Variants in PCBP3 observed in about 807,000 individuals in gnomAD.
PCBP3 encodes the protein poly(rC)-binding protein 3.
Under a neutral mutation model 52.7 loss-of-function variants are expected in PCBP3, and 25 were observed. That is an observed-to-expected ratio of 0.47 (90% confidence interval 0.35 to 0.66). The LOEUF (loss-of-function observed/expected upper bound fraction) is 0.66. Among genes scored for constraint, PCBP3 ranks in the 30% least tolerant of loss-of-function variants. The pLI, the probability that PCBP3 is intolerant of heterozygous loss-of-function variation, is 0.01. For synonymous variants in PCBP3, 162 were observed against 183.0 expected (o/e 0.89, Z 0.93); for missense variants, 391 against 490.3 (o/e 0.80, Z 1.91).
rs2092332554 is a variant in PCBP3, at chr21:45,802,211, T to G, written c.-126+46759T>G. ...AGCGGCTCTGCAGCTGGGCGCTGTT[T>G]CTGCCCTGTCATGCAAGTGGGCTGG... On this transcript the variant is annotated intron_variant, in intron 4 of 17. Coordinates refer to ENST00000681687, the MANE Select transcript of PCBP3 (RefSeq NM_001384156.1). This position sits in a 1 kb window ranked among gnomAD's most constrained non-coding sequence, Gnocchi z 5.1. 6.6e-6 allele frequency among the ~76,000 whole-genome samples: 1 copy of G among 152,210 alleles called. No individual in the cohort carries two copies.
intron 4 of PCBP3, among the ~76,000 whole-genome samples, chr21:45,834,034 G>A (rs1360562254): frequency 6.6e-6 from 1 of 152,204 alleles, no homozygotes; most frequent in East Asian, 1.9e-4. Flanking sequence ...CAAGCACAGG[G>A]AAGGCTGGGG....
intron 5 of PCBP3, among the ~76,000 whole-genome samples, chr21:45,878,876 T>G (rs1329403431): frequency 1.3e-5 from 2 of 152,228 alleles, no homozygotes; most frequent in Middle Eastern, 3.4e-3. Context: ...TGGTGGAGGA[T>G]CCACAAGATC....
intron 9 of PCBP3, among the ~76,000 whole-genome samples, chr21:45,907,898 G>A (rs932118315): frequency 1.5e-5 from 2 of 133,632 alleles, no homozygotes; most frequent in African/African-American, 7.3e-5. Flanking sequence ...GAAAAGGAGG[G>A]AGAGCTTACG....
At chr21:45,939,114 C>G (rs1055722024) in intron 16 of PCBP3, among the ~76,000 whole-genome samples, 1 of 152,256 alleles carries the variant, frequency 6.6e-6, no homozygotes, top group Non-Finnish European at 1.5e-5. Flanking sequence ...CTCGGGGACC[C>G]ATGTGCCCAG....
intron 2 of PCBP3, among the ~76,000 whole-genome samples, chr21:45,707,474 C>T (rs1344190973): frequency 6.6e-6 from 1 of 152,060 alleles, no homozygotes; most frequent in African/African-American, 2.4e-5. Context: ...TGAGATCATG[C>T]CATTGCACTC....
rs2091316374 is a variant in PCBP3 at position 45,788,549 on chromosome 21, C to G, written c.-126+33097C>G. ...CAGCCCACGCCCTGCCCTCTTTTTTCCCACCCCACGGGGCCGATCCTGACT... is the reference window on the plus strand; with the variant it reads ...CAGCCCACGCCCTGCCCTCTTTTTTGCCACCCCACGGGGCCGATCCTGACT... On this transcript the variant is annotated intron_variant, in intron 4 of 17. Transcript: ENST00000681687. This position sits in a 1 kb window ranked among gnomAD's most constrained non-coding sequence, Gnocchi z 4.3. 1 of 152,496 alleles carries G rather than the reference C, an allele frequency of 6.6e-6. No homozygotes were observed. Among genetic ancestry groups the G allele is most frequent in the Admixed American group, 6.5e-5 (1 of 15,292 alleles). 9.4% of individuals were successfully genotyped at this position (152,496 alleles called of 1,614,324 possible).
intron 2 of PCBP3, among the ~76,000 whole-genome samples, chr21:45,720,251 G>T (rs1165236783): frequency 6.6e-6 from 1 of 151,544 alleles, no homozygotes; most frequent in Non-Finnish European, 1.5e-5. Context: ...CCCAGTGTGT[G>T]ATGTTCCCCT....
At chr21:45,847,239 G>A (rs2075967250) in intron 4 of PCBP3, among the ~76,000 whole-genome samples, 1 of 151,924 alleles carries the variant, frequency 6.6e-6, no homozygotes, top group South Asian at 2.1e-4. Context: ...TGTCTGGTGG[G>A]ATTCTTTTCT....
At chr21:45,900,229 G>A (rs1252611278) in intron 7 of PCBP3, among the ~76,000 whole-genome samples, 8 of 152,174 alleles carry the variant, frequency 5.3e-5, no homozygotes, top group Admixed American at 3.9e-4. Context: ...CACCACCTCC[G>A]GGAGGCTGAG....
At chr21:45,819,261 CT>C (rs1397347825) in intron 4 of PCBP3, among the ~76,000 whole-genome samples, 5 of 152,278 alleles carry the variant, frequency 3.3e-5, no homozygotes, top group Admixed American at 3.3e-4. Context: ...TATAGGAAAT[CT>C]CTGTGTTTTG....
At chr21:45,786,059 A>G (rs1603426040) in intron 4 of PCBP3, among the ~76,000 whole-genome samples, 1 of 150,162 alleles carries the variant, frequency 6.7e-6, no homozygotes, top group South Asian at 2.1e-4. Flanking sequence ...TTATCTGCTG[A>G]CCTTCCCTCC....
At chr21:45,683,934 T>A (rs550199443) in intron 2 of PCBP3, among the ~76,000 whole-genome samples, 20 of 141,260 alleles carry the variant, frequency 1.4e-4, no homozygotes, top group African/African-American at 2.4e-4. Context: ...AAAAAAAAAA[T>A]AAAAATAAAA....
chr21:45,744,902 C>A (rs930327231), intron 3 of PCBP3, among the ~76,000 whole-genome samples: 2 of 152,142 alleles, frequency 1.3e-5, no homozygotes, highest in African/African-American at 4.8e-5. Flanking sequence ...TGTTAAGTTT[C>A]TACTTTTTAA....
intron 4 of PCBP3, among the ~76,000 whole-genome samples, chr21:45,778,797 G>T (rs1445701839): frequency 1.3e-5 from 2 of 152,184 alleles, no homozygotes; most frequent in Non-Finnish European, 2.9e-5. Flanking sequence ...AGACCCCCCA[G>T]TAGTGAGGGC....
intron 4 of PCBP3, chr21:45,848,328 C>T (rs2093862535): frequency 1.3e-5 from 2 of 152,320 alleles, no homozygotes; most frequent in South Asian, 4.1e-4. Context: ...ATGCACCCTA[C>T]TGTAAATGGA....
intron 4 of PCBP3, among the ~76,000 whole-genome samples, chr21:45,801,199 G>A (rs1241471543): frequency 6.6e-6 from 1 of 152,176 alleles, no homozygotes; most frequent in South Asian, 2.1e-4. Flanking sequence ...TGTGTGGATG[G>A]GGGTGTCATG....
rs374496689 is a variant in PCBP3, at chr21:45,895,323, G to A, written c.11-885G>A. 3.1e-3 allele frequency among the ~76,000 whole-genome samples: 469 copies of A among 152,328 alleles called. 1 individual carries two copies. The highest frequency in any genetic ancestry group is 0.01 in the African/African-American group (429 of 41,566). ...TCAAAGGGCAGTGTCCAGGCAGCTC[G>A]ATTATGGTGGGGGGTGCAGCTTCAC... On this transcript the variant is annotated intron_variant, in intron 5 of 17. Transcript: ENST00000681687.
At chr21:45,906,672 G>T (rs1438717877) in intron 9 of PCBP3, among the ~76,000 whole-genome samples, 3 of 152,190 alleles carry the variant, frequency 2.0e-5, no homozygotes, top group Non-Finnish European at 4.4e-5. Context: ...GCAGGGGTCT[G>T]CCCAGAGCCC....
intron 2 of PCBP3, among the ~76,000 whole-genome samples, chr21:45,713,136 C>T (rs2083962781): frequency 6.6e-6 from 1 of 152,180 alleles, no homozygotes; most frequent in African/African-American, 2.4e-5. Flanking sequence ...AATGTATTAT[C>T]TAGACTTTAG....
Sources: gnomAD v4.1 joint callset for allele counts (sites outside exome capture counted in the v4.1 genomes callset) on GRCh38, gnomAD v4.1.1 for gene constraint, Gnocchi (gnomAD v3.1) non-coding constraint, MANE v1.5 for transcripts, NCBI Gene and HGNC (gene_info 2026-07-23, HGNC 2026-07-21) for gene names.